SYNE1: variants seen among roughly 807,000 people sequenced by gnomAD.
SYNE1 encodes the protein spectrin repeat containing nuclear envelope protein 1, also known as nesprin-1.
A neutral mutation model predicts 1,111.0 loss-of-function variants in SYNE1; 616 were observed. That is an observed-to-expected ratio of 0.55 (90% CI 0.52 to 0.59). The LOEUF is 0.59. Ranked by LOEUF, SYNE1 falls within the 20% of genes least tolerant of loss-of-function variation. SYNE1 has a pLI of 0.00. For synonymous variants in SYNE1, 3,855 were observed against 3,825.8 expected (o/e 1.01, Z -0.28); for missense variants, 10,006 against 10,417.0 (o/e 0.96, Z 1.72).
chr6:152,207,277 A>G, intron 125 of SYNE1, among the ~76,000 whole-genome samples: 1 of 152,228 alleles, frequency 6.6e-6, no homozygotes, highest in East Asian at 1.9e-4. Context: ...CCCACAGGGT[A>G]CAAGGCATCT....
chr6:152,222,437 C>G (rs1421503024), intron 117 of SYNE1, among the ~76,000 whole-genome samples: 2 of 152,230 alleles, frequency 1.3e-5, no homozygotes, highest in African/African-American at 4.8e-5. Flanking sequence ...GCTTCTACCA[C>G]AAACTCCCGA....
intron 39 of SYNE1, among the ~76,000 whole-genome samples, chr6:152,422,302 C>T (rs946821569): frequency 1.3e-5 from 2 of 152,106 alleles, no homozygotes; most frequent in East Asian, 3.9e-4. Context: ...ATCTGTTTGC[C>T]TGCATCATAT....
chr6:152,164,623 A>G (rs1044331411), intron 130 of SYNE1, among the ~76,000 whole-genome samples: 4 of 152,212 alleles, frequency 2.6e-5, no homozygotes, highest in African/African-American at 7.2e-5. Context: ...GAAGAACCAC[A>G]GGTAGTATTT....
intron 138 of SYNE1, among the ~76,000 whole-genome samples, chr6:152,141,956 A>G (rs1249128982): frequency 6.6e-6 from 1 of 152,124 alleles, no homozygotes; most frequent in Non-Finnish European, 1.5e-5. Context: ...CTGTAGTCTC[A>G]GCTGTTCAGG....
intron 48 of SYNE1, 85 bp downstream of exon 48, chr6:152,399,531 C>G: frequency 6.5e-7 from 1 of 1,537,994 alleles, no homozygotes; most frequent in Non-Finnish European, 9.0e-7. Context: ...TTTCCTCAAA[C>G]TTTTGCTGGC....
At chr6:152,449,479 T>C in intron 28 of SYNE1, 54 bp downstream of exon 28, 1 of 1,286,922 alleles carries the variant, frequency 7.8e-7, no homozygotes, top group Non-Finnish European at 1.1e-6. Flanking sequence ...TTCTCTAACA[T>C]TATTCTTCCA....
intron 82 of SYNE1, among the ~76,000 whole-genome samples, chr6:152,322,978 T>C (rs1281775105): frequency 1.3e-5 from 2 of 152,210 alleles, no homozygotes; most frequent in African/African-American, 4.8e-5. Context: ...TGAGTCTGTA[T>C]GGTTCACCAT....
At chr6:152,582,863 T>C (rs1256728614) in intron 3 of SYNE1, among the ~76,000 whole-genome samples, 2 of 152,184 alleles carry the variant, frequency 1.3e-5, no homozygotes, top group African/African-American at 2.4e-5. Context: ...TGCTGAAATC[T>C]GTAATTCTAC....
chr6:152,395,441 A>G, intron 51 of SYNE1, 75 bp downstream of exon 51: 1 of 1,533,474 alleles, frequency 6.5e-7, no homozygotes, highest in Non-Finnish European at 8.8e-7. Context: ...ACCAATCAAA[A>G]CCAAACCAAC....
At chr6:152,428,091 C>A in intron 37 of SYNE1, 114 bp downstream of exon 37, 1 of 1,414,872 alleles carries the variant, frequency 7.1e-7, no homozygotes, top group South Asian at 1.2e-5. Flanking sequence ...CTACAGTAGA[C>A]CCACAAGTTC....
chr6:152,277,974 G>C, intron 98 of SYNE1, 115 bp downstream of exon 98: 1 of 1,078,802 alleles, frequency 9.3e-7, no homozygotes. Context: ...CGTAAAGCAG[G>C]TACACACACA....
chr6:152,390,526 C>T, intron 52 of SYNE1, 74 bp from the exon 53 acceptor site: 1 of 1,480,534 alleles, frequency 6.8e-7, no homozygotes, highest in South Asian at 1.2e-5. Flanking sequence ...TGGTAGTTTT[C>T]CATAAGAATT....
intron 22 of SYNE1, among the ~76,000 whole-genome samples, chr6:152,457,140 TC>T (rs1483578080): frequency 6.6e-6 from 1 of 152,138 alleles, no homozygotes; most frequent in African/African-American, 2.4e-5. Flanking sequence ...GGTGGTATAA[TC>T]ATTGTGGCTT....
chr6:152,210,897 C>T (rs755630993), intron 124 of SYNE1, among the ~76,000 whole-genome samples: 9 of 152,114 alleles, frequency 5.9e-5, no homozygotes, highest in Non-Finnish European at 8.8e-5. Context: ...AGATTTCAGG[C>T]GGCATGTAAT....
chr6:152,517,439 T>C (rs969063421), intron 6 of SYNE1, among the ~76,000 whole-genome samples: 1 of 152,204 alleles, frequency 6.6e-6, no homozygotes, highest in African/African-American at 2.4e-5. Context: ...CTACCAGAAT[T>C]ACATGTGCAT....
intron 14 of SYNE1, among the ~76,000 whole-genome samples, chr6:152,473,495 T>C (rs1414073967): frequency 6.6e-6 from 1 of 152,172 alleles, no homozygotes; most frequent in Non-Finnish European, 1.5e-5. Flanking sequence ...AGAAAAACCT[T>C]AGGGCCAAAC....
chr6:152,401,513 C>T (rs2097818465), intron 46 of SYNE1, among the ~76,000 whole-genome samples, 172 bp from the exon 47 acceptor site: 1 of 152,242 alleles, frequency 6.6e-6, no homozygotes, highest in Non-Finnish European at 1.5e-5. Context: ...GACACAGTTG[C>T]CAAACACATG....
chr6:152,565,203 TAAGA>T (rs746755916), intron 3 of SYNE1, among the ~76,000 whole-genome samples: 122 of 152,266 alleles, frequency 8.0e-4, no homozygotes, highest in Non-Finnish European at 1.4e-3. Context: ...GCTTCAACAC[TAAGA>T]AAGAGGGCCT....
chr6:152,183,001 G>A (rs1219997737), intron 128 of SYNE1, among the ~76,000 whole-genome samples: 2 of 151,898 alleles, frequency 1.3e-5, no homozygotes, highest in South Asian at 2.1e-4. Context: ...TTGGGGTAGG[G>A]CCTACTAGAA....
Sources: gnomAD v4.1 joint callset for allele counts (sites outside exome capture counted in the v4.1 genomes callset) on GRCh38, gnomAD v4.1.1 for gene constraint, MANE v1.5 for transcripts, NCBI Gene and HGNC (gene_info 2026-07-23, HGNC 2026-07-21) for gene names.